FRMD4A: variants seen among roughly 807,000 people sequenced by gnomAD.
FRMD4A encodes the protein FERM domain-containing protein 4A.
FRMD4A carries 29 observed loss-of-function variants against 129.1 expected under a neutral mutation model. That is an observed-to-expected ratio of 0.22 (90% CI 0.17 to 0.31). The LOEUF (loss-of-function observed/expected upper bound fraction) is 0.31. FRMD4A is among the 10% of genes least tolerant of loss of function. FRMD4A has a pLI of 1.00. For missense variants in FRMD4A, 1,272 were observed against 1,375.8 expected (o/e 0.92, Z 1.19); for synonymous variants, 634 against 571.6 (o/e 1.11, Z -1.56).
intron 2 of FRMD4A, among the ~76,000 whole-genome samples, chr10:13,943,675 A>AAAAAAAAAAAAAG (rs2095310696): frequency 4.9e-5 from 6 of 123,688 alleles, no homozygotes; most frequent in Admixed American, 1.7e-4. Context: ...AAAAAAAAAA[A>AAAAAAAAAAAAAG]AAAAGAAAAA....
chr10:14,123,002 C>G (rs1409916983), intron 2 of FRMD4A, among the ~76,000 whole-genome samples: 1 of 152,032 alleles, frequency 6.6e-6, no homozygotes, highest in African/African-American at 2.4e-5. Context: ...AACACTGATA[C>G]TTATTTGATG....
At chr10:13,979,607 T>C (rs1320680107) in intron 2 of FRMD4A, among the ~76,000 whole-genome samples, 1 of 152,214 alleles carries the variant, frequency 6.6e-6, no homozygotes, top group Non-Finnish European at 1.5e-5. Context: ...TAACTTAAAT[T>C]CCTTTGAACT....
chr10:14,185,630 T>G lies in FRMD4A; in HGVS notation c.45+144428A>C, dbSNP rs117624389. ...AGACAGAAAGGGGATATATACTTCA[T>G]GGTCAGAGAGCTGCAGGGGCGGTTG... On this transcript the variant is annotated intron_variant, in intron 2 of 24. Transcript: ENST00000357447. 7.2e-5 allele frequency among the ~76,000 whole-genome samples: 11 copies of G among 152,136 alleles called. No homozygotes were observed. In the South Asian group the frequency reaches 1.2e-3, roughly 17 times the overall value.
At chr10:13,939,976 C>T (rs558259930) in intron 2 of FRMD4A, among the ~76,000 whole-genome samples, 5 of 152,186 alleles carry the variant, frequency 3.3e-5, no homozygotes, top group African/African-American at 7.2e-5. Context: ...ATGCAAACAG[C>T]GCAGCTCTTT....
chr10:14,183,721 T>G (rs925506176), intron 2 of FRMD4A, among the ~76,000 whole-genome samples: 16 of 152,156 alleles, frequency 1.1e-4, no homozygotes, highest in African/African-American at 3.9e-4. Context: ...TCTAAATATG[T>G]TCATTAAAAG....
At chr10:13,897,266 G>A (rs939935931) in intron 2 of FRMD4A, among the ~76,000 whole-genome samples, 1 of 152,198 alleles carries the variant, frequency 6.6e-6, no homozygotes, top group East Asian at 1.9e-4. Context: ...TGCTGTCCTT[G>A]CTGGAGAAGA....
chr10:14,043,296 G>T (rs1420433104), intron 2 of FRMD4A, among the ~76,000 whole-genome samples: 1 of 152,068 alleles, frequency 6.6e-6, no homozygotes, highest in Non-Finnish European at 1.5e-5. Context: ...TAGTTCTGAA[G>T]GAATTCTAAA....
chr10:13,872,411 C>T (rs2094447865), intron 2 of FRMD4A, among the ~76,000 whole-genome samples: 1 of 152,208 alleles, frequency 6.6e-6, no homozygotes, highest in Non-Finnish European at 1.5e-5. Context: ...TAACTGGTTC[C>T]CAGGGCCATC....
intron 2 of FRMD4A, among the ~76,000 whole-genome samples, chr10:13,973,731 GA>G (rs11368216): frequency 0.12 from 18,875 of 151,192 alleles, 3,025 homozygotes; most frequent in African/African-American, 0.36. Context: ...AGGAAGATAA[GA>G]AGAAAGGAAG....
At chr10:13,662,366 T>C (rs183473174) in intron 19 of FRMD4A, among the ~76,000 whole-genome samples, 1 of 152,356 alleles carries the variant, frequency 6.6e-6, no homozygotes, top group Non-Finnish European at 1.5e-5. Context: ...GCAATTATCA[T>C]TATTACTATG....
chr10:14,198,880 T>C lies in FRMD4A; in HGVS notation c.45+131178A>G, dbSNP rs536585627. On this transcript the variant is annotated intron_variant, in intron 2 of 24. Transcript: ENST00000357447. ...CATCTATAAAATATGAAGATAACAA[T>C]AGCATCTGCCTTACAGAGCTATTGT... 3.3e-5 allele frequency among the ~76,000 whole-genome samples: 5 copies of C among 152,326 alleles called. No homozygotes were observed. In the South Asian group the frequency reaches 6.2e-4, roughly 19 times the overall value.
intron 2 of FRMD4A, among the ~76,000 whole-genome samples, chr10:14,039,378 CCA>C (rs756510629): frequency 0.11 from 14,468 of 137,720 alleles, 961 homozygotes; most frequent in African/African-American, 0.19. Context: ...GTCCATCCAT[CCA>C]TCCATCCATC....
intron 3 of FRMD4A, among the ~76,000 whole-genome samples, chr10:13,856,215 CAAGTGTGTGTGTGTGT>C (rs1564920082): frequency 1.6e-5 from 2 of 128,962 alleles, no homozygotes; most frequent in Non-Finnish European, 3.3e-5. Context: ...GGATTTTGTG[CAAGTGTGTGTGTGTGT>C]GTGTGTGTGT....
intron 2 of FRMD4A, among the ~76,000 whole-genome samples, chr10:13,893,249 C>A (rs1027398466): frequency 5.3e-5 from 8 of 152,132 alleles, no homozygotes; most frequent in African/African-American, 1.9e-4. Context: ...GTTGCCCAGG[C>A]TGGTCTTAAC....
At chr10:13,842,232 T>C (rs565359869) in intron 3 of FRMD4A, among the ~76,000 whole-genome samples, 3 of 152,368 alleles carry the variant, frequency 2.0e-5, no homozygotes, top group Admixed American at 1.3e-4. Flanking sequence ...CCCATTTCTA[T>C]GCTCTCCTTC....
chr10:14,273,095 C>T (rs1336952596), intron 2 of FRMD4A, among the ~76,000 whole-genome samples: 1 of 149,056 alleles, frequency 6.7e-6, no homozygotes, highest in African/African-American at 2.5e-5. Context: ...CACACATGCA[C>T]ACACACACAC....
intron 2 of FRMD4A, among the ~76,000 whole-genome samples, chr10:13,979,012 C>T (rs758726527): frequency 4.6e-5 from 7 of 152,108 alleles, no homozygotes; most frequent in Non-Finnish European, 8.8e-5. Flanking sequence ...CACCAGGCCC[C>T]AGTAGAAATA....
intron 2 of FRMD4A, among the ~76,000 whole-genome samples, chr10:14,090,460 G>A (rs943575983): frequency 6.6e-6 from 1 of 152,180 alleles, no homozygotes; most frequent in East Asian, 1.9e-4. Context: ...CAACCAGCCC[G>A]TGGGCATCAT....
At chr10:14,092,888 G>T (rs923769388) in intron 2 of FRMD4A, among the ~76,000 whole-genome samples, 1 of 152,204 alleles carries the variant, frequency 6.6e-6, no homozygotes, top group African/African-American at 2.4e-5. Flanking sequence ...TCAGGCCTAG[G>T]GGACAGCAGA....
Sources: allele counts gnomAD v4.1 joint callset (sites outside exome capture counted in the v4.1 genomes callset), GRCh38; gene constraint gnomAD v4.1.1; transcripts MANE v1.5; gene names NCBI Gene and HGNC (gene_info 2026-07-23, HGNC 2026-07-21).